The following ZNF544 variants were observed in gnomAD, a reference collection of about 807,000 sequenced individuals.
ZNF544 encodes zinc finger protein AF020591.
In ZNF544, 10 loss-of-function variants were observed where a neutral mutation model predicts 13.5. The observed-to-expected ratio is 0.74, with a 90% CI of 0.46 to 1.25. The LOEUF (loss-of-function observed/expected upper bound fraction) is 1.25, where lower values mean the gene tolerates loss of function less well. ZNF544 is among the 50% of genes most tolerant of loss of function. The probability of loss-of-function intolerance (pLI) is 0.00; values close to 1 mark genes in which losing one functional copy is unlikely to be tolerated. For synonymous variants in ZNF544, 323 were observed against 300.5 expected (o/e 1.07, Z -0.77); for missense variants, 896 against 845.6 (o/e 1.06, Z -0.74).
rs1034238519 is a variant in ZNF544 at position 58,261,106 on chromosome 19, T to C, written c.500T>C (p.Leu167Pro). ...CELELGGGYS[L>P]PSTLSLLPTT... is the part of the protein sequence containing the mutation. ...CTTGAACTTGGGGGAGGTTATTCTC[T>C]ACCTTCTACTTTAAGCCTTCTACCT... is the stretch of plus-strand genomic sequence containing the variant. The change falls in exon 7 of 7, where the codon CTA becomes CCA. Residue 167 changes from leucine (L) to proline (P), a missense_variant. Physicochemically the swap from Leu to Pro is moderately conservative, Grantham distance 98 (BLOSUM62 -3). Coordinates refer to ENST00000687789, the MANE Select transcript of ZNF544 (RefSeq NM_014480.4). 1 of 1,614,184 alleles carries C rather than the reference T, an allele frequency of 6.2e-7. No individual in the cohort carries two copies.
chr19:58,261,715 A>C lies in ZNF544; in HGVS notation c.1109A>C (p.His370Pro), dbSNP rs373427061. 57 of 1,614,240 alleles carry C rather than the reference A, an allele frequency of 3.5e-5. No individual in the cohort carries two copies. The highest frequency in any genetic ancestry group is 4.7e-5 in the Non-Finnish European group (56 of 1,180,044). ...GKSFSCCKLI[H>P]QRTHTGEKPF... ...TCTTTCAGCTGTTGTAAGCTCATAC[A>C]CCAGAGAACACACACTGGAGAAAAG... Residue 370 changes from histidine to proline, a missense_variant, in exon 7 of 7, where the codon CAC (histidine) becomes CCC (proline). By Grantham distance (77) the His-to-Pro change is moderately conservative. Transcript: ENST00000687789.
At chr19:58,252,651 A>G (rs1211516605) in intron 6 of ZNF544, among the ~76,000 whole-genome samples, 1 of 152,180 alleles carries the variant, frequency 6.6e-6, no homozygotes, top group Non-Finnish European at 1.5e-5. Context: ...TTTTGTATAC[A>G]GAATCATTTG....
chr19:58,264,659 C>A (rs534490764), downstream of ZNF544, among the ~76,000 whole-genome samples: 1 of 151,990 alleles, frequency 6.6e-6, no homozygotes, highest in Non-Finnish European at 1.5e-5. Flanking sequence ...CCACTGCACT[C>A]TAGCTTGGGC....
chr19:58,248,920 AAGTAGT>A (rs1266129928), intron 6 of ZNF544, among the ~76,000 whole-genome samples: 1 of 152,158 alleles, frequency 6.6e-6, no homozygotes, highest in Non-Finnish European at 1.5e-5. Flanking sequence ...TCTGTAAATG[AAGTAGT>A]GGCCCATAAC....
At chr19:58,265,973 G>A (rs1250133943), downstream of ZNF544, among the ~76,000 whole-genome samples, 1 of 151,924 alleles carries the variant, frequency 6.6e-6, no homozygotes, top group African/African-American at 2.4e-5. Context: ...GGAAGGCCGA[G>A]GCAGGCAGAT....
chr19:58,274,383 A>AT (rs2051058383), intron 5 of ZNF544, among the ~76,000 whole-genome samples: 1 of 152,286 alleles, frequency 6.6e-6, no homozygotes, highest in African/African-American at 2.4e-5. Context: ...GAGACAGACA[A>AT]CTTGTCACGC....
In ZNF544 at chr19:58,262,862, C is replaced by T. The variant is rs1020300899; in HGVS notation, c.*108C>T. On this transcript the variant is annotated 3_prime_UTR_variant, in exon 7 of 7. Coordinates refer to ENST00000687789, the MANE Select transcript of ZNF544 (RefSeq NM_014480.4). ...ATCAGTGTGACGTGTATTAAGCCAG[C>T]GGTTGTGACTCATTGAACATCAGAG... 3.1e-5 allele frequency: 47 copies of T among 1,497,662 alleles called. No individual in the cohort carries two copies. The highest frequency in any genetic ancestry group is 3.0e-4 in the East Asian group (13 of 43,546). The allele number at this position is 1,497,662 out of a possible 1,614,324, so 92.8% of individuals were successfully genotyped here. A position where few individuals can be genotyped will look rare whatever the true frequency, so the allele number is the denominator to read the frequency against.
At chr19:58,240,588 C>T (rs1038562904) in intron 3 of ZNF544, among the ~76,000 whole-genome samples, 3 of 152,010 alleles carry the variant, frequency 2.0e-5, no homozygotes, top group Non-Finnish European at 4.4e-5. Flanking sequence ...CCTGAAACCC[C>T]GCTTCTGCTT....
chr19:58,232,824 G>A (rs770201777), intron 3 of ZNF544, among the ~76,000 whole-genome samples: 9 of 150,304 alleles, frequency 6.0e-5, no homozygotes, highest in Non-Finnish European at 1.2e-4. Flanking sequence ...GCGGGAGCCT[G>A]TAGTCCCAGC....
Position 58,241,179 on chromosome 19 carries a change from A to T in ZNF544, c.-59-2786A>T, listed in dbSNP as rs36145609. Among the ~76,000 whole-genome samples, 689 of 72,740 alleles carry T rather than the reference A, an allele frequency of 9.5e-3. 62 individuals carry two copies. The highest frequency in any genetic ancestry group is 0.034 in the East Asian group (84 of 2,498). 47.7% of individuals were successfully genotyped at this position (72,740 alleles called of 152,430 possible). A position where few individuals can be genotyped will look rare whatever the true frequency, so the allele number is the denominator to read the frequency against. ...TATATTTAAATATATATATATATAT[A>T]TTTTTTTTTTTTTGTAGAGATAGGG... On this transcript the variant is annotated intron_variant, in intron 3 of 6. Transcript: ENST00000687789.
intron 3 of ZNF544, among the ~76,000 whole-genome samples, chr19:58,237,191 G>A (rs1476830247): frequency 6.6e-6 from 1 of 151,460 alleles, no homozygotes; most frequent in Non-Finnish European, 1.5e-5. Context: ...AGCCTCCCAG[G>A]TAGCTGGGAC....
chr19:58,240,261 CTT>C (rs1031124260), intron 3 of ZNF544, among the ~76,000 whole-genome samples: 19 of 145,726 alleles, frequency 1.3e-4, no homozygotes, highest in South Asian at 2.2e-4. Flanking sequence ...CTTTTTCTTT[CTT>C]TTTTTTTTTT....
chr19:58,273,128 C>T (rs1175015477), intron 5 of ZNF544, among the ~76,000 whole-genome samples: 1 of 151,244 alleles, frequency 6.6e-6, no homozygotes. Context: ...TTGCAGTAAG[C>T]CAAGATCGCA....
intron 6 of ZNF544, 140 bp downstream of exon 6, chr19:58,246,934 C>A: frequency 1.5e-6 from 1 of 662,206 alleles, no homozygotes; most frequent in Non-Finnish European, 2.6e-6. Context: ...TTCACCCATT[C>A]AAAGGAGTTC....
At chr19:58,251,506 C>A in intron 6 of ZNF544, 1 of 400,762 alleles carries the variant, frequency 2.5e-6, no homozygotes, top group South Asian at 1.8e-5. Flanking sequence ...AGCAGGTGAT[C>A]CCTCCTTCTA....
intron 4 of ZNF544, among the ~76,000 whole-genome samples, chr19:58,246,029 A>G (rs1208865345): frequency 6.6e-6 from 1 of 152,200 alleles, no homozygotes; most frequent in Non-Finnish European, 1.5e-5. Context: ...CAATGTGTCA[A>G]CAGAGTTGGT....
intron 3 of ZNF544, chr19:58,242,375 G>T: frequency 1.3e-6 from 1 of 762,218 alleles, no homozygotes; most frequent in Non-Finnish European, 1.6e-6. Flanking sequence ...CTTGATACTT[G>T]ATATTCCAGG....
chr19:58,246,832 A>T (rs1400373264), intron 6 of ZNF544, 38 bp downstream of exon 6: 4 of 1,594,084 alleles, frequency 2.5e-6, no homozygotes, highest in East Asian at 2.2e-5. Context: ...TCAACGTTTA[A>T]CAAGCTTGGA....
chr19:58,232,027 A>G (rs1394066161), intron 3 of ZNF544, among the ~76,000 whole-genome samples: 1 of 151,244 alleles, frequency 6.6e-6, no homozygotes, highest in East Asian at 1.9e-4. Context: ...TTTTTAGTAT[A>G]GACAGGGTTT....
Sources: gnomAD v4.1 joint callset for allele counts (sites outside exome capture counted in the v4.1 genomes callset) on GRCh38, gnomAD v4.1.1 for gene constraint, MANE v1.5 for transcripts, NCBI Gene and HGNC (gene_info 2026-07-23, HGNC 2026-07-21) for gene names.